Variants in BIN3 observed in about 807,000 individuals in gnomAD.
BIN3 encodes bridging integrator 3.
BIN3 carries 41 observed loss-of-function variants against 38.2 expected under a neutral mutation model. That is an observed-to-expected ratio of 1.07 (90% CI 0.84 to 1.39). BIN3 has a LOEUF of 1.39. Among genes scored for constraint, BIN3 ranks in the 40% most tolerant of loss-of-function variants. BIN3 has a pLI of 0.00. For synonymous variants in BIN3, 145 were observed against 122.6 expected, an observed-to-expected ratio of 1.18 and a Z score of -1.21; for missense variants, 361 against 324.3, an observed-to-expected ratio of 1.11 and a Z score of -0.87.
chr8:22,621,634 G>A (rs1221874558), intron 8 of BIN3, 66 bp from the exon 9 acceptor site: 6 of 1,499,428 alleles, frequency 4.0e-6, no homozygotes, highest in Middle Eastern at 1.9e-4. Flanking sequence ...GGGGGCCAGA[G>A]GCTCACACTT....
At chr8:22,660,712 C>T (rs1233057939) in intron 1 of BIN3, among the ~76,000 whole-genome samples, 1 of 152,142 alleles carries the variant, frequency 6.6e-6, no homozygotes, top group Admixed American at 6.5e-5. Flanking sequence ...ATTGTAAATA[C>T]ACAAAAAATA....
chr8:22,668,012 GAC>G (rs1372924898), intron 1 of BIN3, among the ~76,000 whole-genome samples: 2 of 152,198 alleles, frequency 1.3e-5, no homozygotes, highest in African/African-American at 4.8e-5. Context: ...AGCCTCTGAG[GAC>G]AGAGTGGCAA....
At chr8:22,653,525 G>A (rs547853718) in intron 1 of BIN3, among the ~76,000 whole-genome samples, 1 of 152,244 alleles carries the variant, frequency 6.6e-6, no homozygotes, top group Admixed American at 6.5e-5. Flanking sequence ...TTCCAACTCA[G>A]GAGCCTGTGA....
At chr8:22,667,079 A>T (rs1803445974) in intron 1 of BIN3, among the ~76,000 whole-genome samples, 1 of 152,232 alleles carries the variant, frequency 6.6e-6, no homozygotes. Flanking sequence ...GGTCCACGCA[A>T]GAGATGACGT....
At chr8:22,661,488 G>T (rs1803237036) in intron 1 of BIN3, among the ~76,000 whole-genome samples, 1 of 148,060 alleles carries the variant, frequency 6.8e-6, no homozygotes, top group African/African-American at 2.5e-5. Context: ...CTCCCTAGTA[G>T]CTTGGATTAC....
intron 4 of BIN3, among the ~76,000 whole-genome samples, chr8:22,630,871 C>A (rs78998090): frequency 0.041 from 6,247 of 152,260 alleles, 157 homozygotes; most frequent in Middle Eastern, 0.071. Flanking sequence ...AAATATGTTT[C>A]TGGCTCCAAA....
intron 1 of BIN3, among the ~76,000 whole-genome samples, chr8:22,656,394 C>T (rs148691634): frequency 1.3e-5 from 2 of 152,100 alleles, no homozygotes; most frequent in East Asian, 1.9e-4. Context: ...TTTTATCTTC[C>T]TGGCACATTT....
intron 2 of BIN3, among the ~76,000 whole-genome samples, chr8:22,639,618 G>C (rs1049742662): frequency 1.2e-4 from 19 of 152,192 alleles, no homozygotes; most frequent in African/African-American, 4.3e-4. Context: ...GTGTAGAGCA[G>C]ATTGCAAGGT....
intron 2 of BIN3, among the ~76,000 whole-genome samples, chr8:22,640,209 A>T (rs981114601): frequency 1.4e-5 from 2 of 145,402 alleles, no homozygotes; most frequent in Non-Finnish European, 3.0e-5. Context: ...ACAGAGTCTC[A>T]CTCTGTCGCT....
intron 1 of BIN3, among the ~76,000 whole-genome samples, chr8:22,651,046 G>GT (rs918438043): frequency 5.3e-5 from 8 of 152,162 alleles, no homozygotes; most frequent in African/African-American, 1.9e-4. Context: ...TCACAAACTC[G>GT]TAAGAGTTTC....
chr8:22,630,604 C>T lies in BIN3; in HGVS notation c.161-26G>A, dbSNP rs369708307. On this transcript the variant is annotated intron_variant, in intron 4 of 8. Coordinates refer to ENST00000276416, the MANE Select transcript of BIN3 (RefSeq NM_018688.6). ...CTGTGGGAAGCCAAAGCTCGGTGAA[C>T]CTTCTATGAAGGGGCAGGTTTCACG... 55 of 1,612,786 alleles carry T rather than the reference C, an allele frequency of 3.4e-5. No homozygotes were observed. The East Asian group carries it at 1.1e-3, about 33-fold the overall frequency.
intron 2 of BIN3, among the ~76,000 whole-genome samples, chr8:22,637,454 G>A (rs1340665361): frequency 6.6e-6 from 1 of 152,184 alleles, no homozygotes; most frequent in East Asian, 1.9e-4. Flanking sequence ...TGGGCTCAGG[G>A]TGGGTCAGGA....
At chr8:22,665,202 C>T (rs1585209067) in intron 1 of BIN3, among the ~76,000 whole-genome samples, 1 of 152,178 alleles carries the variant, frequency 6.6e-6, no homozygotes, top group Admixed American at 6.5e-5. Context: ...GACCTGGAAG[C>T]CACTTGTGTC....
intron 1 of BIN3, among the ~76,000 whole-genome samples, chr8:22,645,789 ATCT>A (rs1318270773): frequency 3.3e-5 from 5 of 152,318 alleles, no homozygotes; most frequent in Middle Eastern, 3.4e-3. Context: ...GGATCTGCAA[ATCT>A]TCTTTGGAGG....
chr8:22,645,308 AAC>A (rs1336087608), intron 1 of BIN3, among the ~76,000 whole-genome samples: 4 of 152,010 alleles, frequency 2.6e-5, no homozygotes, highest in Non-Finnish European at 5.9e-5. Context: ...CAAAAAAAAA[AAC>A]ACAAAAAAAC....
At chr8:22,667,065 T>C (rs919502434) in intron 1 of BIN3, among the ~76,000 whole-genome samples, 6 of 152,108 alleles carry the variant, frequency 3.9e-5, no homozygotes, top group African/African-American at 1.4e-4. Context: ...AGAGACAGGG[T>C]CAGGGTCCAC....
intron 1 of BIN3, among the ~76,000 whole-genome samples, chr8:22,646,758 G>A (rs551888979): frequency 6.6e-6 from 1 of 152,202 alleles, no homozygotes; most frequent in African/African-American, 2.4e-5. Flanking sequence ...AACAGAAAAG[G>A]TTCACGGGGA....
At chr8:22,632,119 T>C (rs970623260) in intron 4 of BIN3, among the ~76,000 whole-genome samples, 2 of 152,248 alleles carry the variant, frequency 1.3e-5, no homozygotes, top group Admixed American at 6.5e-5. Context: ...AAAAAATTGT[T>C]GTCAATCAAA....
At chr8:22,660,455 T>C (rs1459084018) in intron 1 of BIN3, among the ~76,000 whole-genome samples, 1 of 152,270 alleles carries the variant, frequency 6.6e-6, no homozygotes, top group African/African-American at 2.4e-5. Context: ...CCTTTGCTCC[T>C]GTCTCTTACC....
Sources: gnomAD v4.1 joint callset for allele counts (sites outside exome capture counted in the v4.1 genomes callset) on GRCh38, gnomAD v4.1.1 for gene constraint, MANE v1.5 for transcripts, NCBI Gene and HGNC (gene_info 2026-07-23, HGNC 2026-07-21) for gene names.